Variants in RNF38 observed in about 807,000 individuals in gnomAD.
RNF38 encodes ring finger protein 38, also known as E3 ubiquitin-protein ligase RNF38.
Under a neutral mutation model 67.2 loss-of-function variants are expected in RNF38, and 15 were observed. The ratio of observed to expected loss-of-function variants is 0.22; its 90% CI spans 0.15 to 0.34. The LOEUF is 0.34. Among genes scored for constraint, RNF38 ranks in the 10% least tolerant of loss-of-function variants. The pLI, the probability that RNF38 is intolerant of heterozygous loss-of-function variation, is 1.00. For synonymous variants in RNF38, 220 were observed against 218.8 expected (o/e 1.01, Z -0.05); for missense variants, 524 against 639.9 (o/e 0.82, Z 1.95).
intron 3 of RNF38, among the ~76,000 whole-genome samples, chr9:36,370,296 C>T (rs1564016432): frequency 6.6e-6 from 1 of 152,072 alleles, no homozygotes; most frequent in African/African-American, 2.4e-5. Flanking sequence ...ATAAAACGAA[C>T]TTTAATCTGT....
At chr9:36,389,631 G>A (rs995876739) in intron 2 of RNF38, among the ~76,000 whole-genome samples, 2 of 152,164 alleles carry the variant, frequency 1.3e-5, no homozygotes, top group Non-Finnish European at 2.9e-5. Flanking sequence ...CCAGACTGAA[G>A]AGCCCTAGAT....
At chr9:36,356,987 A>C (rs766023431) in intron 5 of RNF38, among the ~76,000 whole-genome samples, 2 of 152,206 alleles carry the variant, frequency 1.3e-5, no homozygotes, top group Non-Finnish European at 2.9e-5. Context: ...TGAGTAAATT[A>C]ATCTGTTAAG....
intron 2 of RNF38, among the ~76,000 whole-genome samples, chr9:36,424,139 C>T: frequency 6.6e-6 from 1 of 152,048 alleles, no homozygotes; most frequent in Non-Finnish European, 1.5e-5. Context: ...TGACAATCCC[C>T]AATATTTAAA....
intron 1 of RNF38, among the ~76,000 whole-genome samples, chr9:36,455,267 G>A (rs936202595): frequency 2.0e-5 from 3 of 151,764 alleles, no homozygotes; most frequent in Non-Finnish European, 4.4e-5. Context: ...TCACTGTGTT[G>A]GCTAGGCTGG....
chr9:36,396,127 G>A (rs1340727631), intron 1 of RNF38, among the ~76,000 whole-genome samples: 2 of 152,198 alleles, frequency 1.3e-5, no homozygotes, highest in East Asian at 1.9e-4. Context: ...ACACCTAGAA[G>A]AGTACATGGC....
intron 2 of RNF38, among the ~76,000 whole-genome samples, chr9:36,407,324 T>C (rs1469226512): frequency 2.0e-5 from 3 of 152,174 alleles, no homozygotes; most frequent in African/African-American, 7.2e-5. Flanking sequence ...GTCAGGTGGC[T>C]GTTTCCACAG....
chr9:36,473,416 C>A (rs1327954373), intron 1 of RNF38, among the ~76,000 whole-genome samples: 3 of 151,744 alleles, frequency 2.0e-5, no homozygotes, highest in African/African-American at 4.8e-5. Flanking sequence ...GGTAAAATCT[C>A]GTTTCTACTA....
upstream of RNF38, chr9:36,400,912 G>GCGCCCCGCCGCACCCCGCCT (rs1564046404): frequency 1.7e-5 from 13 of 766,922 alleles, no homozygotes; most frequent in Admixed American, 1.1e-4. Context: ...CCGCCCCGCC[G>GCGCCCCGCCGCACCCCGCCT]CGCCCCGCCG....
At chr9:36,388,881 T>TA in intron 2 of RNF38, among the ~76,000 whole-genome samples, 1 of 152,288 alleles carries the variant, frequency 6.6e-6, no homozygotes, top group African/African-American at 2.4e-5. Context: ...ACTAGATGGC[T>TA]GGGTAGGTTT....
chr9:36,375,776 T>C (rs562561233), intron 3 of RNF38, among the ~76,000 whole-genome samples, 158 bp downstream of exon 3: 3 of 152,330 alleles, frequency 2.0e-5, no homozygotes, highest in African/African-American at 2.4e-5. Flanking sequence ...TCTAACCTAC[T>C]GGAAATCTAG....
At chr9:36,478,863 G>C (rs1260676878) in intron 1 of RNF38, among the ~76,000 whole-genome samples, 1 of 150,782 alleles carries the variant, frequency 6.6e-6, no homozygotes, top group African/African-American at 2.4e-5. Context: ...CCCTGGGAGA[G>C]TAAGCAAGTT....
chr9:36,387,234 T>G (rs1364007963), intron 2 of RNF38, among the ~76,000 whole-genome samples: 2 of 152,222 alleles, frequency 1.3e-5, no homozygotes, highest in Admixed American at 1.3e-4. Context: ...AAACTTGCTT[T>G]CACTTTATGG....
chr9:36,343,466 G>C (rs1178331331), intron 10 of RNF38, among the ~76,000 whole-genome samples: 1 of 151,980 alleles, frequency 6.6e-6, no homozygotes, highest in African/African-American at 2.4e-5. Flanking sequence ...GACATTTCTG[G>C]AAAGAAGGTA....
intron 1 of RNF38, among the ~76,000 whole-genome samples, chr9:36,427,450 G>C (rs1464082541): frequency 6.6e-6 from 1 of 152,112 alleles, no homozygotes; most frequent in Non-Finnish European, 1.5e-5. Flanking sequence ...CCAAATGTAA[G>C]GGTATTCGGA....
chr9:36,421,279 A>T (rs1279926661), intron 2 of RNF38, among the ~76,000 whole-genome samples: 1 of 152,264 alleles, frequency 6.6e-6, no homozygotes, highest in Non-Finnish European at 1.5e-5. Context: ...CATTCGATAC[A>T]GAAGATCTGG....
chr9:36,372,867 T>G (rs1835488787), intron 3 of RNF38, among the ~76,000 whole-genome samples: 1 of 152,146 alleles, frequency 6.6e-6, no homozygotes, highest in Non-Finnish European at 1.5e-5. Flanking sequence ...CTTTTGCACA[T>G]GTACACAGAG....
chr9:36,374,548 C>G (rs976196849), intron 3 of RNF38, among the ~76,000 whole-genome samples: 1 of 152,142 alleles, frequency 6.6e-6, no homozygotes, highest in Non-Finnish European at 1.5e-5. Flanking sequence ...GGTCTTGGCT[C>G]ACTGCAACCT....
At chr9:36,476,307 G>A (rs958205471) in intron 1 of RNF38, among the ~76,000 whole-genome samples, 10 of 151,816 alleles carry the variant, frequency 6.6e-5, no homozygotes, top group Non-Finnish European at 1.2e-4. Flanking sequence ...TAGTAGAGAC[G>A]GGGTTTCCCC....
chr9:36,354,094 C>T (rs559468295), intron 6 of RNF38, among the ~76,000 whole-genome samples: 1 of 152,214 alleles, frequency 6.6e-6, no homozygotes, highest in Admixed American at 6.5e-5. Context: ...GTAACCATCA[C>T]CACTATCTAG....
Sources: gnomAD v4.1 joint callset for allele counts (sites outside exome capture counted in the v4.1 genomes callset) on GRCh38, gnomAD v4.1.1 for gene constraint, MANE v1.5 for transcripts, NCBI Gene and HGNC (gene_info 2026-07-23, HGNC 2026-07-21) for gene names.